Variants in SQOR observed in about 807,000 individuals in gnomAD.
The protein encoded by SQOR is sulfide quinone oxidoreductase.
In SQOR, 39 loss-of-function variants were observed where a neutral mutation model predicts 48.6. The observed-to-expected ratio is 0.80, with a 90% CI of 0.62 to 1.05. The LOEUF is 1.05. SQOR is among the 50% of genes least tolerant of loss of function. The probability of loss-of-function intolerance (pLI) is 0.00; values close to 1 mark genes in which losing one functional copy is unlikely to be tolerated. For missense variants in SQOR, 561 were observed against 559.9 expected, an observed-to-expected ratio of 1.00 and a Z score of -0.02; for synonymous variants, 220 against 206.2, an observed-to-expected ratio of 1.07 and a Z score of -0.57.
At position 45,683,222 on chromosome 15, in the gene SQOR, T is replaced by C. The variant is rs138371834; in HGVS notation, c.1048+561T>C. On this transcript the variant is annotated intron_variant, in intron 7 of 9. Transcript: ENST00000260324. ...ACTTTTCTAGCTCTCTTGAATTCTG[T>C]TACTTCTCATACTGCCATACTGGCA... Among the ~76,000 whole-genome samples, 1,275 of 152,248 alleles carry C rather than the reference T, an allele frequency of 8.4e-3. 22 individuals are homozygous for C. The highest frequency in any genetic ancestry group is 0.027 in the African/African-American group (1,142 of 41,536).
At chr15:45,672,024 C>G (rs1314128371) in intron 4 of SQOR, among the ~76,000 whole-genome samples, 1 of 152,162 alleles carries the variant, frequency 6.6e-6, no homozygotes, top group Non-Finnish European at 1.5e-5. Flanking sequence ...CGCAGGTTTT[C>G]CTGAAAGGAG....
chr15:45,675,919 T>C (rs538135248), intron 5 of SQOR, among the ~76,000 whole-genome samples, 182 bp from the exon 6 acceptor site: 97 of 152,230 alleles, frequency 6.4e-4, no homozygotes, highest in Non-Finnish European at 1.1e-3. Flanking sequence ...TACTTAGTTG[T>C]ATGTCATGGG....
At chr15:45,681,821 C>T (rs752156747) in intron 6 of SQOR, among the ~76,000 whole-genome samples, 3 of 152,130 alleles carry the variant, frequency 2.0e-5, no homozygotes, top group Admixed American at 6.6e-5. Context: ...AACCTTGATA[C>T]GGTGTTTTGG....
intron 6 of SQOR, among the ~76,000 whole-genome samples, chr15:45,678,245 C>T (rs976649883): frequency 6.6e-6 from 1 of 152,288 alleles, no homozygotes; most frequent in African/African-American, 2.4e-5. Context: ...ATTCAAGTCT[C>T]CCCACTAGAG....
intron 6 of SQOR, among the ~76,000 whole-genome samples, chr15:45,680,697 T>G (rs1890111838): frequency 1.3e-5 from 2 of 152,160 alleles, no homozygotes; most frequent in Middle Eastern, 3.4e-3. Context: ...ATTACAGGCA[T>G]GAGCCACTGC....
chr15:45,640,042 C>T (rs906796319), intron 1 of SQOR, among the ~76,000 whole-genome samples: 3 of 152,296 alleles, frequency 2.0e-5, no homozygotes, highest in South Asian at 2.1e-4. Flanking sequence ...TGAGTAATTA[C>T]GTAAAGTGCA....
intron 9 of SQOR, 70 bp from the exon 10 acceptor site, chr15:45,690,903 A>G (rs377353072): frequency 3.6e-6 from 5 of 1,375,046 alleles, no homozygotes; most frequent in Non-Finnish European, 5.2e-6. Flanking sequence ...CTTCCCTTTC[A>G]GCATCCTCCT....
chr15:45,645,541 C>T (rs1269842169), intron 1 of SQOR, among the ~76,000 whole-genome samples: 3 of 152,190 alleles, frequency 2.0e-5, no homozygotes, highest in African/African-American at 7.2e-5. Context: ...CTCAGTAGAA[C>T]AAAAAGGCGA....
chr15:45,675,159 C>T lies in SQOR; in HGVS notation c.655-942C>T, dbSNP rs184041820. 2.0e-3 allele frequency among the ~76,000 whole-genome samples: 297 copies of T among 152,210 alleles called. 1 individual carries two copies. Among genetic ancestry groups the T allele is most frequent in the Non-Finnish European group, 2.8e-3 (189 of 68,014 alleles). ...CGGGTGAGCAAATCATGAAAGGAGCCGAGCAAAGGAAAGAAGAAGAAACCA... is the reference window on the plus strand; with the variant it reads ...CGGGTGAGCAAATCATGAAAGGAGCTGAGCAAAGGAAAGAAGAAGAAACCA... On this transcript the variant is annotated intron_variant, in intron 5 of 9. Coordinates refer to ENST00000260324, the MANE Select transcript of SQOR (RefSeq NM_021199.4).
In SQOR at chr15:45,673,631, G is replaced by C; in HGVS notation, c.484G>C (p.Ala162Pro). Reference protein sequence around the residue: ...EKIKGLPEGFAHPKIGSNYSV... With the variant: ...EKIKGLPEGFPHPKIGSNYSV... The stretch of plus-strand genomic sequence containing the variant: ...GATTAAAGGCCTACCTGAAGGTTTC[G>C]CTCATCCCAAAATAGGGTCGAATTA... The change falls in exon 5 of 10, where the codon GCT becomes CCT. Residue 162 changes from alanine (A) to proline (P), a missense_variant. Transcript: ENST00000260324. The C allele has an allele frequency of 1.2e-6, 2 of 1,613,888 alleles. No homozygotes were observed. The highest frequency in any genetic ancestry group is 1.7e-6 in the Non-Finnish European group (2 of 1,179,874).
Position 45,669,927 on chromosome 15 carries a change from G to C in SQOR, c.406-1G>C. 3 of 1,613,782 alleles carry C rather than the reference G, an allele frequency of 1.9e-6. No individual in the cohort carries two copies. Among genetic ancestry groups the C allele is most frequent in the East Asian group, 4.5e-5 (2 of 44,884 alleles). Reference sequence around the variant, plus strand: ...TAAAATAATGTCTTTTTGTGTTGCAGATCTCCTACCGATATCTTATTATTG... The same window carrying C: ...TAAAATAATGTCTTTTTGTGTTGCACATCTCCTACCGATATCTTATTATTG... On this transcript the variant is annotated splice_acceptor_variant, in intron 3 of 9. Coordinates refer to ENST00000260324, the MANE Select transcript of SQOR (RefSeq NM_021199.4). LOFTEE classifies it high-confidence loss of function.
At chr15:45,634,384 T>G (rs780462889), upstream of SQOR, among the ~76,000 whole-genome samples, 1 of 151,718 alleles carries the variant, frequency 6.6e-6, no homozygotes, top group Non-Finnish European at 1.5e-5. Context: ...GAATCTGATA[T>G]GGTGGAGAAC....
chr15:45,683,026 C>CAAA (rs34072446), intron 7 of SQOR, among the ~76,000 whole-genome samples: 1 of 119,888 alleles, frequency 8.3e-6, no homozygotes, highest in African/African-American at 3.5e-5. Context: ...GGCTTCATCT[C>CAAA]AAAAAAAAAA....
At chr15:45,649,813 A>G (rs147275782) in intron 1 of SQOR, among the ~76,000 whole-genome samples, 10,561 of 148,938 alleles carry the variant, frequency 0.071, 466 homozygotes, top group South Asian at 0.13. Context: ...GGGTAAGGGG[A>G]AATGAGAAGG....
At chr15:45,642,788 CT>C (rs778774606) in intron 1 of SQOR, among the ~76,000 whole-genome samples, 79 of 150,714 alleles carry the variant, frequency 5.2e-4, no homozygotes, top group Middle Eastern at 3.4e-3. Flanking sequence ...TCAACTTTGA[CT>C]TTTTTTTTTC....
At chr15:45,674,545 T>C (rs1890002380) in intron 5 of SQOR, among the ~76,000 whole-genome samples, 1 of 152,224 alleles carries the variant, frequency 6.6e-6, no homozygotes, top group African/African-American at 2.4e-5. Flanking sequence ...TCCATAATGC[T>C]ATCCACTACT....
At chr15:45,638,698 G>C (rs1019376217) in intron 1 of SQOR, among the ~76,000 whole-genome samples, 4 of 151,330 alleles carry the variant, frequency 2.6e-5, no homozygotes, top group Non-Finnish European at 4.4e-5. Flanking sequence ...CTGCATTCTA[G>C]CCTGCGCAAC....
Position 45,658,903 on chromosome 15 carries a change from C to T in SQOR, c.-17-4C>T, listed in dbSNP as rs1889665513. 6.6e-7 allele frequency: 1 copy of T among 1,512,140 alleles called. No homozygotes were observed. Among genetic ancestry groups the T allele is most frequent in the Admixed American group, 2.1e-5 (1 of 47,464 alleles). 93.7% of individuals were successfully genotyped at this position (1,512,140 alleles called of 1,614,324 possible). On this transcript the variant is annotated splice_polypyrimidine_tract_variant and splice_region_variant and intron_variant, in intron 1 of 9. Coordinates refer to ENST00000260324, the MANE Select transcript of SQOR (RefSeq NM_021199.4). ...CACTCACAGCCCTGTCTCTTCCCTT[C>T]CAGCCTGATCCTGCCTGAAGATGGT... is the stretch of plus-strand genomic sequence containing the variant.
chr15:45,664,264 C>T (rs1210922594), intron 3 of SQOR, among the ~76,000 whole-genome samples: 1 of 152,122 alleles, frequency 6.6e-6, no homozygotes, highest in Non-Finnish European at 1.5e-5. Context: ...TTCTTGGACA[C>T]CCAGGATGTT....
Sources: gnomAD v4.1 joint callset for allele counts (sites outside exome capture counted in the v4.1 genomes callset) on GRCh38, gnomAD v4.1.1 for gene constraint, MANE v1.5 for transcripts, NCBI Gene and HGNC (gene_info 2026-07-23, HGNC 2026-07-21) for gene names.